ZNF618: variants seen among roughly 807,000 people sequenced by gnomAD.
The protein encoded by ZNF618 is neural precursor cell expressed, developmentally down-regulated 10.
A neutral mutation model predicts 103.0 loss-of-function variants in ZNF618; 34 were observed. The observed-to-expected ratio is 0.33, with a 90% CI of 0.25 to 0.44. ZNF618 has a LOEUF of 0.44. ZNF618 is among the 20% of genes least tolerant of loss of function. The pLI is 1.00. For missense variants in ZNF618, 1,059 were observed against 1,295.4 expected, an observed-to-expected ratio of 0.82 and a Z score of 2.80; for synonymous variants, 551 against 542.2, an observed-to-expected ratio of 1.02 and a Z score of -0.23.
intron 1 of ZNF618, among the ~76,000 whole-genome samples, chr9:113,915,969 A>G (rs1422161901): frequency 6.6e-6 from 1 of 152,218 alleles, no homozygotes; most frequent in African/African-American, 2.4e-5. Context: ...AATGATAATT[A>G]TAGTATTTAT....
chr9:114,002,134 C>A, intron 5 of ZNF618, 61 bp downstream of exon 5: 1 of 1,499,540 alleles, frequency 6.7e-7, no homozygotes, highest in Admixed American at 1.7e-5. Flanking sequence ...CTGCCTGTTT[C>A]CCACTTGGGC....
At chr9:113,891,831 A>G (rs2131034480) in intron 1 of ZNF618, among the ~76,000 whole-genome samples, 1 of 152,334 alleles carries the variant, frequency 6.6e-6, no homozygotes. Context: ...TAAGATGGTA[A>G]GAGAAACAAG....
At chr9:113,987,963 G>A (rs1839651303) in intron 2 of ZNF618, among the ~76,000 whole-genome samples, 1 of 152,166 alleles carries the variant, frequency 6.6e-6, no homozygotes, top group African/African-American at 2.4e-5. Context: ...TCAGCCAGCT[G>A]GAGGTGCCCT....
intron 1 of ZNF618, among the ~76,000 whole-genome samples, chr9:113,897,780 C>T (rs1020879091): frequency 6.6e-6 from 1 of 151,992 alleles, no homozygotes; most frequent in Non-Finnish European, 1.5e-5. Context: ...TACTGGATTT[C>T]GTTTTTTGTT....
chr9:113,883,102 TAGCTC>T (rs1415263609), intron 1 of ZNF618, among the ~76,000 whole-genome samples: 4 of 152,232 alleles, frequency 2.6e-5, no homozygotes, highest in Admixed American at 6.5e-5. Context: ...TTTTTGGAAA[TAGCTC>T]AGATCAGTGG....
At chr9:113,883,483 C>T (rs192467441) in intron 1 of ZNF618, among the ~76,000 whole-genome samples, 1 of 152,288 alleles carries the variant, frequency 6.6e-6, no homozygotes, top group East Asian at 1.9e-4. Flanking sequence ...AACTGAACAC[C>T]AGGGGCCTGT....
At chr9:113,972,597 A>G (rs1184189354) in intron 2 of ZNF618, among the ~76,000 whole-genome samples, 2 of 152,030 alleles carry the variant, frequency 1.3e-5, no homozygotes, top group African/African-American at 2.4e-5. Flanking sequence ...CCTGTTTGGG[A>G]CCAGGGACTG....
In ZNF618 at chr9:113,988,438, G is replaced by A; in HGVS notation, c.195G>A (p.Glu65=). ...GTMTEVKVKT[E]LPDDYIQEVI... ...TGACGGAGGTGAAGGTGAAGACAGAGCTGCCCGATGACTACATCCAGGAGG... is the reference window on the plus strand; with the variant it reads ...TGACGGAGGTGAAGGTGAAGACAGAACTGCCCGATGACTACATCCAGGAGG... Residue 65 remains glutamate, a synonymous_variant, in exon 3 of 15, where the codon GAG becomes GAA. Coordinates refer to ENST00000374126, the MANE Select transcript of ZNF618 (RefSeq NM_001318042.2). 1 of 1,613,684 alleles carries A rather than the reference G, an allele frequency of 6.2e-7. No homozygotes were observed. The highest frequency in any genetic ancestry group is 8.5e-7 in the Non-Finnish European group (1 of 1,179,898).
chr9:114,050,467 CACA>C lies in ZNF618; in HGVS notation c.*301_*303del. 3.3e-6 allele frequency: 1 copy of C among 301,396 alleles called. No homozygotes were observed. Among genetic ancestry groups the C allele is most frequent in the Non-Finnish European group, 6.1e-6 (1 of 163,890 alleles). The allele number at this position is 301,396 out of a possible 1,614,324, so 18.7% of individuals were successfully genotyped here. A position where few individuals can be genotyped will look rare whatever the true frequency, so the allele number is the denominator to read the frequency against. On this transcript the variant is annotated 3_prime_UTR_variant, in exon 15 of 15. Coordinates refer to ENST00000374126, the MANE Select transcript of ZNF618 (RefSeq NM_001318042.2). ...GCACACACACACACACACACACACA[CACA>C]CACACGACCCTGGTGCGTGTACATA...
intron 2 of ZNF618, among the ~76,000 whole-genome samples, chr9:113,974,967 C>T (rs1249207125): frequency 6.6e-6 from 1 of 152,182 alleles, no homozygotes; most frequent in Non-Finnish European, 1.5e-5. Flanking sequence ...ATAGTGTTGT[C>T]AATGACGATT....
chr9:114,012,234 A>G (rs952565731), intron 9 of ZNF618, among the ~76,000 whole-genome samples: 15 of 152,176 alleles, frequency 9.9e-5, no homozygotes, highest in Admixed American at 7.9e-4. Context: ...GGTCTGAACA[A>G]TTTATCTCTT....
chr9:113,896,851 T>C (rs971924419), intron 1 of ZNF618, among the ~76,000 whole-genome samples: 1 of 152,126 alleles, frequency 6.6e-6, no homozygotes, highest in Non-Finnish European at 1.5e-5. Flanking sequence ...CCTTAATCTG[T>C]AAAAATAGGC....
At chr9:113,956,542 G>A (rs569205193) in intron 1 of ZNF618, among the ~76,000 whole-genome samples, 6 of 152,262 alleles carry the variant, frequency 3.9e-5, no homozygotes, top group South Asian at 2.1e-4. Flanking sequence ...TCATCTTGAC[G>A]TAACACATCC....
intron 9 of ZNF618, among the ~76,000 whole-genome samples, 166 bp from the exon 10 acceptor site, chr9:114,016,529 T>C (rs908545395): frequency 1.3e-5 from 2 of 152,048 alleles, no homozygotes; most frequent in Non-Finnish European, 2.9e-5. Context: ...CAGCTCGAAA[T>C]GTCTGAGCTG....
chr9:113,955,146 C>CTTTTTTTTT (rs3034066), intron 1 of ZNF618, among the ~76,000 whole-genome samples: 1 of 130,552 alleles, frequency 7.7e-6, no homozygotes, highest in Non-Finnish European at 1.6e-5. Context: ...AGTGACTTCT[C>CTTTTTTTTT]TTTTTTTTTT....
intron 1 of ZNF618, among the ~76,000 whole-genome samples, chr9:113,963,774 G>A (rs965496210): frequency 4.6e-5 from 7 of 152,156 alleles, no homozygotes; most frequent in African/African-American, 1.2e-4. Flanking sequence ...TATATTTGCC[G>A]AGTATTTGCC....
At chr9:114,008,423 G>A in intron 8 of ZNF618, 44 bp downstream of exon 8, 2 of 1,613,902 alleles carry the variant, frequency 1.2e-6, no homozygotes, top group Non-Finnish European at 8.5e-7. Flanking sequence ...GTCCCCGGCT[G>A]GGCTCCTGAG....
chr9:113,898,084 TG>T (rs1830197140), intron 1 of ZNF618, among the ~76,000 whole-genome samples: 1 of 152,226 alleles, frequency 6.6e-6, no homozygotes, highest in South Asian at 2.1e-4. Flanking sequence ...TGAGCCACTG[TG>T]CCTGGCCTCT....
intron 1 of ZNF618, among the ~76,000 whole-genome samples, chr9:113,900,844 C>G (rs372120110): frequency 1.4e-4 from 9 of 62,604 alleles, no homozygotes; most frequent in Admixed American, 1.7e-4. Flanking sequence ...AACCCGACCT[C>G]CTGTCTCCTA....
Sources: gnomAD v4.1 joint callset for allele counts (sites outside exome capture counted in the v4.1 genomes callset) on GRCh38, gnomAD v4.1.1 for gene constraint, MANE v1.5 for transcripts, NCBI Gene and HGNC (gene_info 2026-07-23, HGNC 2026-07-21) for gene names.